PACRG: variants seen among roughly 807,000 people sequenced by gnomAD.
PACRG encodes parkin coregulated, also known as parkin coregulated gene protein.
PACRG carries 29 observed loss-of-function variants against 29.7 expected under a neutral mutation model. The ratio of observed to expected loss-of-function variants is 0.98; its 90% CI spans 0.73 to 1.33. The LOEUF is 1.33. Among genes scored for constraint, PACRG ranks in the 40% most tolerant of loss-of-function variants. The pLI, the probability that PACRG is intolerant of heterozygous loss-of-function variation, is 0.00. For missense variants in PACRG, 279 were observed against 316.2 expected, an observed-to-expected ratio of 0.88 and a Z score of 0.89; for synonymous variants, 116 against 118.7, an observed-to-expected ratio of 0.98 and a Z score of 0.15.
At position 162,995,752 on chromosome 6, in the gene PACRG, T is replaced by C. The variant is rs147887821; in HGVS notation, c.292-66398T>C. On this transcript the variant is annotated intron_variant, in intron 2 of 4. Transcript: ENST00000366888. ...GACCGGAGCTGTTCCTATTCGGCCA[T>C]CTTGGCTCCTAGTACTTCCTTATTT... 9.2e-3 allele frequency among the ~76,000 whole-genome samples: 1,398 copies of C among 152,346 alleles called. 12 individuals carry two copies. Among genetic ancestry groups the C allele is most frequent in the African/African-American group, 0.024 (994 of 41,578 alleles).
chr6:162,899,506 C>A (rs1193915746), intron 2 of PACRG, among the ~76,000 whole-genome samples: 1 of 152,126 alleles, frequency 6.6e-6, no homozygotes. Context: ...TTTATTCACC[C>A]CCACTGAGGA....
chr6:163,083,585 T>G (rs190161857), intron 3 of PACRG, among the ~76,000 whole-genome samples: 1 of 152,296 alleles, frequency 6.6e-6, no homozygotes, highest in East Asian at 1.9e-4. Context: ...GAGACCTGTC[T>G]CAGATTTTCT....
intron 1 of PACRG, among the ~76,000 whole-genome samples, chr6:162,754,718 GA>G: frequency 6.6e-6 from 1 of 152,050 alleles, no homozygotes; most frequent in Non-Finnish European, 1.5e-5. Flanking sequence ...ATTTATTGAA[GA>G]GATTGTATTT....
intron 2 of PACRG, among the ~76,000 whole-genome samples, chr6:163,052,624 TA>T (rs1453715831): frequency 6.6e-6 from 1 of 152,178 alleles, no homozygotes; most frequent in Non-Finnish European, 1.5e-5. Flanking sequence ...ACCATGATTA[TA>T]AGTTTCCTGA....
chr6:162,797,167 G>A (rs561991395), intron 1 of PACRG, among the ~76,000 whole-genome samples: 1 of 152,146 alleles, frequency 6.6e-6, no homozygotes, highest in Non-Finnish European at 1.5e-5. Context: ...CCAGCTACTG[G>A]GGAGGCTGAG....
chr6:163,093,240 CT>C (rs2128305531), intron 4 of PACRG, among the ~76,000 whole-genome samples: 1 of 152,340 alleles, frequency 6.6e-6, no homozygotes, highest in South Asian at 2.1e-4. Flanking sequence ...AACCAAACTG[CT>C]GTCTAAGCTT....
intron 2 of PACRG, among the ~76,000 whole-genome samples, chr6:162,828,465 T>C (rs57177452): frequency 0.35 from 52,709 of 152,116 alleles, 11,592 homozygotes; most frequent in African/African-American, 0.59. Flanking sequence ...ACCTGAGTAC[T>C]TACTGGGTGT....
At chr6:162,933,735 A>C (rs1798032313) in intron 2 of PACRG, among the ~76,000 whole-genome samples, 1 of 151,760 alleles carries the variant, frequency 6.6e-6, no homozygotes, top group Non-Finnish European at 1.5e-5. Flanking sequence ...AGTTGCTTTA[A>C]AGAAATATCC....
At chr6:162,909,224 G>T (rs1158023459) in intron 2 of PACRG, among the ~76,000 whole-genome samples, 1 of 152,078 alleles carries the variant, frequency 6.6e-6, no homozygotes, top group Admixed American at 6.6e-5. Flanking sequence ...ATTTCCGTCT[G>T]GAAGTCCTTC....
At chr6:162,995,207 C>G (rs1287159943) in intron 2 of PACRG, among the ~76,000 whole-genome samples, 2 of 148,960 alleles carry the variant, frequency 1.3e-5, no homozygotes, top group Non-Finnish European at 3.0e-5. Context: ...TGTCTGTGCC[C>G]TGCCCCCAGA....
At chr6:163,307,942 A>G (rs954878320) in intron 4 of PACRG, among the ~76,000 whole-genome samples, 3 of 152,218 alleles carry the variant, frequency 2.0e-5, no homozygotes, top group African/African-American at 7.2e-5. Flanking sequence ...CTGTTTCCCT[A>G]TAATTATCTA....
intron 4 of PACRG, among the ~76,000 whole-genome samples, chr6:163,266,930 C>G (rs1053547423): frequency 1.3e-5 from 2 of 152,184 alleles, no homozygotes; most frequent in Admixed American, 1.3e-4. Flanking sequence ...TAGTGAGCCC[C>G]TCATCAAATG....
chr6:162,884,709 T>A (rs1431481743), intron 2 of PACRG, among the ~76,000 whole-genome samples: 4 of 151,300 alleles, frequency 2.6e-5, no homozygotes, highest in African/African-American at 9.8e-5. Flanking sequence ...AAAATAACAG[T>A]GTTAACATGT....
intron 3 of PACRG, among the ~76,000 whole-genome samples, chr6:163,067,027 G>T (rs746309040): frequency 1.3e-5 from 2 of 152,214 alleles, no homozygotes; most frequent in Non-Finnish European, 2.9e-5. Context: ...ACCCCGGAAG[G>T]AAGGTAGACT....
chr6:162,728,672 G>A (rs1562535739), intron 1 of PACRG, among the ~76,000 whole-genome samples: 1 of 152,010 alleles, frequency 6.6e-6, no homozygotes, highest in South Asian at 2.1e-4. Context: ...CTATTTACAC[G>A]AGGAAAAAAG....
chr6:163,169,451 C>G (rs1778963928), intron 4 of PACRG, among the ~76,000 whole-genome samples: 1 of 152,180 alleles, frequency 6.6e-6, no homozygotes, highest in African/African-American at 2.4e-5. Flanking sequence ...AACAAAGATA[C>G]CACTGGTGGT....
At chr6:163,218,659 C>T (rs1192258981) in intron 4 of PACRG, among the ~76,000 whole-genome samples, 1 of 152,206 alleles carries the variant, frequency 6.6e-6, no homozygotes, top group Admixed American at 6.5e-5. Flanking sequence ...CTCACCCCAA[C>T]CATCTGCTCT....
At chr6:162,937,929 C>T (rs1273416891) in intron 2 of PACRG, among the ~76,000 whole-genome samples, 4 of 151,574 alleles carry the variant, frequency 2.6e-5, no homozygotes, top group African/African-American at 9.7e-5. Context: ...GTTATTGGGG[C>T]AAAGGTGGTA....
intron 4 of PACRG, among the ~76,000 whole-genome samples, chr6:163,135,779 C>T (rs9458729): frequency 0.012 from 1,803 of 152,286 alleles, 40 homozygotes; most frequent in African/African-American, 0.041. Context: ...TGAGGTGCAT[C>T]GCTCGACAAG....
Sources: gnomAD v4.1 joint callset for allele counts (sites outside exome capture counted in the v4.1 genomes callset) on GRCh38, gnomAD v4.1.1 for gene constraint, MANE v1.5 for transcripts, NCBI Gene and HGNC (gene_info 2026-07-23, HGNC 2026-07-21) for gene names.